Variants in UNC13C observed in about 807,000 individuals in gnomAD.
The protein encoded by UNC13C is protein unc-13 homolog C.
In UNC13C, 174 loss-of-function variants were observed where a neutral mutation model predicts 245.4. The observed-to-expected ratio is 0.71, with a 90% confidence interval of 0.63 to 0.80. The LOEUF is 0.80. Among genes scored for constraint, UNC13C ranks in the 30% least tolerant of loss-of-function variants. UNC13C has a pLI of 0.00. For synonymous variants in UNC13C, 992 were observed against 895.1 expected, an observed-to-expected ratio of 1.11 and a Z score of -1.93; for missense variants, 2,829 against 2,602.9, an observed-to-expected ratio of 1.09 and a Z score of -1.89.
intron 19 of UNC13C, among the ~76,000 whole-genome samples, chr15:54,476,683 C>G (rs1892760384): frequency 6.6e-6 from 1 of 151,352 alleles, no homozygotes. Flanking sequence ...TGTTTTGGTA[C>G]CAGTACCATG....
chr15:54,012,173 T>G (rs561800927), intron 1 of UNC13C, among the ~76,000 whole-genome samples: 161 of 152,288 alleles, frequency 1.1e-3, no homozygotes, highest in African/African-American at 3.7e-3. Flanking sequence ...AGAAAAAGAT[T>G]ATTTGAATGA....
At chr15:53,989,113 C>T (rs545841026) in intron 1 of UNC13C, among the ~76,000 whole-genome samples, 1 of 151,964 alleles carries the variant, frequency 6.6e-6, no homozygotes, top group East Asian at 1.9e-4. Context: ...GTGAGTAAAA[C>T]AGTACAGAGG....
intron 2 of UNC13C, among the ~76,000 whole-genome samples, chr15:54,052,609 G>C (rs1175194918): frequency 6.6e-6 from 1 of 152,198 alleles, no homozygotes; most frequent in African/African-American, 2.4e-5. Context: ...CATGTTTATG[G>C]TGTTGAAGTG....
intron 2 of UNC13C, among the ~76,000 whole-genome samples, chr15:54,047,955 C>A (rs539867480): frequency 6.6e-6 from 1 of 152,212 alleles, no homozygotes; most frequent in African/African-American, 2.4e-5. Context: ...CGTAAGTATA[C>A]CGTAATATTT....
intron 2 of UNC13C, among the ~76,000 whole-genome samples, chr15:54,121,192 T>A (rs764444280): frequency 5.3e-5 from 8 of 152,154 alleles, no homozygotes; most frequent in Non-Finnish European, 8.8e-5. Context: ...GCTTCACTGT[T>A]GTCTTATTTC....
intron 4 of UNC13C, among the ~76,000 whole-genome samples, chr15:54,159,422 A>T (rs1353595465): frequency 6.6e-6 from 1 of 152,238 alleles, no homozygotes; most frequent in African/African-American, 2.4e-5. Flanking sequence ...TGCACCAAGT[A>T]CAAAAGCACT....
chr15:54,612,391 A>G (rs74014261), intron 30 of UNC13C, among the ~76,000 whole-genome samples: 8,118 of 152,090 alleles, frequency 0.053, 725 homozygotes, highest in African/African-American at 0.18. Context: ...ATTTATTTAT[A>G]TGACTTCTTT....
chr15:53,852,465 A>C, the UNC13C span, among the ~76,000 whole-genome samples: 3 of 152,168 alleles, frequency 2.0e-5, no homozygotes, highest in South Asian at 6.2e-4. Flanking sequence ...GTTTCTCCCT[A>C]CGTATGTACA....
In UNC13C at chr15:54,043,041, G is replaced by T. The variant is rs189690311; in HGVS notation, c.2983+27155G>T. ...CTCTATAAGGAAAGGCTTATAACAT[G>T]TTCTTGCCTCAGAACAATGATGGCT... On this transcript the variant is annotated intron_variant, in intron 2 of 32. Coordinates refer to ENST00000260323, the MANE Select transcript of UNC13C (RefSeq NM_001080534.3). Among the ~76,000 whole-genome samples the T allele has an allele frequency of 2.7e-3, 406 of 152,108 alleles. 3 individuals are homozygous for T. Among genetic ancestry groups the T allele is most frequent in the Admixed American group, 0.023 (353 of 15,278 alleles).
At chr15:53,929,085 G>T in the UNC13C span, among the ~76,000 whole-genome samples, 1 of 152,186 alleles carries the variant, frequency 6.6e-6, no homozygotes, top group Non-Finnish European at 1.5e-5. Context: ...TGGATTCACG[G>T]TTCCACACTG....
chr15:54,279,999 G>C (rs868067840), intron 10 of UNC13C, among the ~76,000 whole-genome samples: 1 of 152,046 alleles, frequency 6.6e-6, no homozygotes, highest in South Asian at 2.1e-4. Flanking sequence ...CAGATAGAAG[G>C]GTAAGCACAT....
intron 30 of UNC13C, among the ~76,000 whole-genome samples, chr15:54,596,871 G>T (rs1329358851): frequency 6.6e-6 from 1 of 152,154 alleles, no homozygotes; most frequent in Non-Finnish European, 1.5e-5. Flanking sequence ...CTCACCAGTA[G>T]CTGAGCAGCT....
intron 6 of UNC13C, among the ~76,000 whole-genome samples, 166 bp downstream of exon 6, chr15:54,236,601 G>C (rs1157507563): frequency 6.6e-6 from 1 of 152,204 alleles, no homozygotes; most frequent in Non-Finnish European, 1.5e-5. Flanking sequence ...AATTCTGAAA[G>C]AGAAAATTAT....
intron 19 of UNC13C, among the ~76,000 whole-genome samples, chr15:54,421,964 A>G (rs1596352362): frequency 6.6e-6 from 1 of 152,194 alleles, no homozygotes; most frequent in African/African-American, 2.4e-5. Flanking sequence ...ATAAGCAAAT[A>G]ATTACACAAA....
At chr15:54,529,535 C>G (rs1345217413) in intron 25 of UNC13C, among the ~76,000 whole-genome samples, 1 of 152,112 alleles carries the variant, frequency 6.6e-6, no homozygotes, top group Non-Finnish European at 1.5e-5. Flanking sequence ...ATATCTTCAG[C>G]ACCTAGAACA....
chr15:53,961,261 C>T, the UNC13C span, among the ~76,000 whole-genome samples: 1 of 152,250 alleles, frequency 6.6e-6, no homozygotes, highest in Admixed American at 6.5e-5. Context: ...CCATGAAGCC[C>T]CTGAGCCTTG....
At chr15:54,365,670 G>C (rs922386310) in intron 17 of UNC13C, among the ~76,000 whole-genome samples, 2 of 151,678 alleles carry the variant, frequency 1.3e-5, no homozygotes, top group Non-Finnish European at 2.9e-5. Context: ...CAGGATTTAT[G>C]ATGAAAGAGT....
At chr15:54,479,524 A>C (rs1047151651) in intron 19 of UNC13C, among the ~76,000 whole-genome samples, 1 of 152,046 alleles carries the variant, frequency 6.6e-6, no homozygotes, top group East Asian at 1.9e-4. Context: ...AATCCATTTA[A>C]CCTGTTTACA....
chr15:54,120,383 A>C (rs1342791661), intron 2 of UNC13C, among the ~76,000 whole-genome samples: 1 of 152,152 alleles, frequency 6.6e-6, no homozygotes, highest in Non-Finnish European at 1.5e-5. Context: ...ATTTATTTGC[A>C]ACGTGGTTTA....
Sources: allele counts gnomAD v4.1 joint callset (sites outside exome capture counted in the v4.1 genomes callset), GRCh38; gene constraint gnomAD v4.1.1; transcripts MANE v1.5; gene names NCBI Gene and HGNC (gene_info 2026-07-23, HGNC 2026-07-21).